Variants in CDX1 observed in about 807,000 individuals in gnomAD.
CDX1 encodes homeobox protein CDX-1.
In CDX1, 9 loss-of-function variants were observed where a neutral mutation model predicts 16.9. The ratio of observed to expected loss-of-function variants is 0.53; its 90% confidence interval spans 0.32 to 0.93. The LOEUF (loss-of-function observed/expected upper bound fraction) is 0.93, where lower values mean the gene tolerates loss of function less well. CDX1 is among the 40% of genes least tolerant of loss of function. CDX1 has a pLI of 0.04. For missense variants in CDX1, 393 were observed against 386.1 expected (o/e 1.02, Z -0.15); for synonymous variants, 179 against 179.0 (o/e 1.00, Z 0.00).
At position 150,166,857 on chromosome 5, in the gene CDX1, CG is replaced by C; in HGVS notation, c.-15del. 6.9e-7 allele frequency: 1 copy of C among 1,452,698 alleles called. No individual in the cohort carries two copies. The highest frequency in any genetic ancestry group is 1.4e-5 in the South Asian group (1 of 69,184). 90.0% of individuals were successfully genotyped at this position (1,452,698 alleles called of 1,614,324 possible). ...CGGCGGCTCCAGGGCCCAGCATGCG[CG>C]GGGGACCCCGCGGCCACCATGTATG... On this transcript the variant is annotated 5_prime_UTR_variant, in exon 1 of 3. Coordinates refer to ENST00000231656, the MANE Select transcript of CDX1 (RefSeq NM_001804.3).
intron 2 of CDX1, 39 bp downstream of exon 2, chr5:150,182,952 G>A (rs754129158): frequency 2.1e-5 from 33 of 1,563,004 alleles, no homozygotes; most frequent in Middle Eastern, 1.8e-4. Context: ...GGAGCAGTGC[G>A]AGGACTCTGG....
intron 1 of CDX1, among the ~76,000 whole-genome samples, chr5:150,172,774 A>G (rs1320635393): frequency 6.6e-6 from 1 of 152,242 alleles, no homozygotes; most frequent in East Asian, 1.9e-4. Context: ...TGACCCAGTT[A>G]GAAGGTGGCA....
chr5:150,172,947 G>A (rs914314759), intron 1 of CDX1, among the ~76,000 whole-genome samples: 2 of 152,156 alleles, frequency 1.3e-5, no homozygotes, highest in African/African-American at 4.8e-5. Context: ...AGGTTTTTGT[G>A]TTGGAGCTCC....
At chr5:150,174,601 T>C (rs1478395782) in intron 1 of CDX1, among the ~76,000 whole-genome samples, 1 of 152,248 alleles carries the variant, frequency 6.6e-6, no homozygotes, top group African/African-American at 2.4e-5. Context: ...ACATGGCTGT[T>C]GAACACTTGA....
intron 2 of CDX1, 44 bp from the exon 3 acceptor site, chr5:150,183,428 ACT>A: frequency 6.7e-7 from 1 of 1,499,958 alleles, no homozygotes; most frequent in Non-Finnish European, 9.0e-7. Flanking sequence ...TCTCTCTTTC[ACT>A]CTCTCCCTGC....
chr5:150,182,518 T>C (rs1478153136), intron 1 of CDX1, among the ~76,000 whole-genome samples: 1 of 152,218 alleles, frequency 6.6e-6, no homozygotes, highest in Non-Finnish European at 1.5e-5. Flanking sequence ...AACCCTGAGC[T>C]GGTTGTTTTG....
At chr5:150,174,926 G>A (rs536020071) in intron 1 of CDX1, among the ~76,000 whole-genome samples, 21 of 152,158 alleles carry the variant, frequency 1.4e-4, no homozygotes, top group African/African-American at 3.6e-4. Context: ...ACAGGCACAC[G>A]CCACCACGCC....
rs1761458155 is a variant in CDX1, at chr5:150,168,099, A to G, written c.445+778A>G. Among the ~76,000 whole-genome samples, 2 of 152,218 alleles carry G rather than the reference A, an allele frequency of 1.3e-5. 1 individual carries two copies. Among genetic ancestry groups the G allele is most frequent in the South Asian group, 4.1e-4 (2 of 4,836 alleles). On this transcript the variant is annotated intron_variant, in intron 1 of 2. Coordinates refer to ENST00000231656, the MANE Select transcript of CDX1 (RefSeq NM_001804.3). ...TTATGGGTCCCCCCTTTGTCATGCA[A>G]CTGGCTCTGCCTTGGCTCGGTAGTG...
In CDX1 at chr5:150,184,271, A is replaced by T. The variant is rs932526418; in HGVS notation, c.*591A>T. The T allele has an allele frequency of 6.6e-6, 1 of 152,160 alleles. No homozygotes were observed. The highest frequency in any genetic ancestry group is 2.4e-5 in the African/African-American group (1 of 41,412). 9.4% of individuals were successfully genotyped at this position (152,160 alleles called of 1,614,324 possible). A position where few individuals can be genotyped will look rare whatever the true frequency, so the allele number is the denominator to read the frequency against. On this transcript the variant is annotated 3_prime_UTR_variant, in exon 3 of 3. Transcript: ENST00000231656. The stretch of plus-strand genomic sequence containing the variant: ...GGGTTACAGAATCACAGCCCTCATG[A>T]TCATTCTCAGTGAGGGCTCTGGATT...
chr5:150,172,662 G>C (rs1456717901), intron 1 of CDX1, among the ~76,000 whole-genome samples: 1 of 152,204 alleles, frequency 6.6e-6, no homozygotes, highest in African/African-American at 2.4e-5. Flanking sequence ...TAAGAGGCTG[G>C]GGGAGGAGGG....
chr5:150,176,212 G>A (rs1018496333), intron 1 of CDX1, among the ~76,000 whole-genome samples: 1 of 152,200 alleles, frequency 6.6e-6, no homozygotes, highest in Non-Finnish European at 1.5e-5. Context: ...GCTCCTACAA[G>A]TATTATCTGG....
At chr5:150,180,629 G>A (rs1018983088) in intron 1 of CDX1, among the ~76,000 whole-genome samples, 9 of 152,080 alleles carry the variant, frequency 5.9e-5, no homozygotes, top group African/African-American at 2.2e-4. Context: ...GGACACTTGC[G>A]AGAGGCGGGA....
chr5:150,174,976 C>A (rs1028739488), intron 1 of CDX1, among the ~76,000 whole-genome samples: 18 of 152,112 alleles, frequency 1.2e-4, no homozygotes, highest in African/African-American at 4.1e-4. Context: ...AGAGTTTCAT[C>A]ATGTTGGTCA....
intron 1 of CDX1, among the ~76,000 whole-genome samples, chr5:150,178,041 C>T (rs1183487485): frequency 6.6e-6 from 1 of 152,180 alleles, no homozygotes. Context: ...ACCTGGAAAA[C>T]TATTCAAGTA....
chr5:150,183,155 T>G (rs1241318027), intron 2 of CDX1, among the ~76,000 whole-genome samples: 1 of 152,168 alleles, frequency 6.6e-6, no homozygotes, highest in African/African-American at 2.4e-5. Context: ...CAGGCTATTA[T>G]TAGTGCTGTA....
chr5:150,167,366 T>A (rs1360219035), intron 1 of CDX1, 45 bp downstream of exon 1: 2 of 1,215,138 alleles, frequency 1.6e-6, no homozygotes, highest in Non-Finnish European at 1.0e-6. Context: ...CTGCAGGTGC[T>A]CGGGCGCGGC....
intron 1 of CDX1, among the ~76,000 whole-genome samples, chr5:150,168,417 C>A (rs1761462184): frequency 6.6e-6 from 1 of 152,164 alleles, no homozygotes; most frequent in Non-Finnish European, 1.5e-5. Flanking sequence ...TTTGGAAGTC[C>A]CGGGGATACA....
chr5:150,173,790 A>C (rs1761536065), intron 1 of CDX1, among the ~76,000 whole-genome samples: 1 of 152,170 alleles, frequency 6.6e-6, no homozygotes, highest in African/African-American at 2.4e-5. Flanking sequence ...TGGCTGGACT[A>C]AGCTTTAGGA....
intron 1 of CDX1, among the ~76,000 whole-genome samples, chr5:150,172,790 C>CA (rs1554113330): frequency 6.6e-6 from 1 of 152,050 alleles, no homozygotes; most frequent in Non-Finnish European, 1.5e-5. Flanking sequence ...TGGCAGAAGG[C>CA]TTTTTTTTGG....
Sources: allele counts gnomAD v4.1 joint callset (sites outside exome capture counted in the v4.1 genomes callset), GRCh38; gene constraint gnomAD v4.1.1; transcripts MANE v1.5; gene names NCBI Gene and HGNC (gene_info 2026-07-23, HGNC 2026-07-21).